The following SMIM35 variants were observed in gnomAD, a reference collection of about 807,000 sequenced individuals.
SMIM35 encodes TMPRSS4 antisense RNA 1 (non-protein coding).
chr11:118,062,002 C>T lies in SMIM35; in HGVS notation c.7+24749G>A, dbSNP rs576126402. Among the ~76,000 whole-genome samples, 578 of 152,298 alleles carry T rather than the reference C, an allele frequency of 3.8e-3. 2 individuals carry two copies. The highest frequency in any genetic ancestry group is 0.012 in the African/African-American group (501 of 41,562). Reference sequence around the variant, plus strand: ...CTTGGAATTGGAAGGTCCTTGACCTCCCACCAACTAAGCTTCCAATTTTGT... The same window carrying T: ...CTTGGAATTGGAAGGTCCTTGACCTTCCACCAACTAAGCTTCCAATTTTGT... On this transcript the variant is annotated intron_variant, in intron 1 of 4. Transcript: ENST00000689828.
intron 1 of SMIM35, among the ~76,000 whole-genome samples, chr11:118,048,966 C>CAAAAAAAAAAAAA: frequency 1.6e-5 from 1 of 61,380 alleles, no homozygotes; most frequent in Admixed American, 1.5e-4. Flanking sequence ...AAAAAAAAAG[C>CAAAAAAAAAAAAA]AAGTGAAAAC....
intron 3 of SMIM35, 36 bp downstream of exon 3, chr11:118,014,672 C>G: frequency 2.5e-6 from 1 of 398,896 alleles, no homozygotes; most frequent in African/African-American, 2.1e-5. Flanking sequence ...TACCCCCAAC[C>G]CCCACCTCAC....
At chr11:118,014,165 T>C (rs2058164812) in intron 3 of SMIM35, among the ~76,000 whole-genome samples, 1 of 152,192 alleles carries the variant, frequency 6.6e-6, no homozygotes, top group Admixed American at 6.5e-5. Context: ...GATTACATTA[T>C]TTGTAATCAG....
intron 1 of SMIM35, among the ~76,000 whole-genome samples, chr11:118,033,412 G>A (rs606683): frequency 6.6e-6 from 1 of 152,080 alleles, no homozygotes; most frequent in African/African-American, 2.4e-5. Flanking sequence ...AGACTTAGAG[G>A]CTTTCAACAC....
intron 1 of SMIM35, among the ~76,000 whole-genome samples, chr11:118,084,048 C>G (rs117457866): frequency 0.018 from 2,725 of 152,130 alleles, 124 homozygotes; most frequent in East Asian, 0.14. Flanking sequence ...AAAAACAAAA[C>G]AAAAAAACAA....
intron 1 of SMIM35, chr11:118,067,176 C>G (rs1425261296): frequency 6.6e-6 from 1 of 152,110 alleles, no homozygotes; most frequent in African/African-American, 2.4e-5. Flanking sequence ...ACATGTGGGC[C>G]ATTGACACAG....
chr11:118,010,124 G>C (rs1473722175), intron 4 of SMIM35, among the ~76,000 whole-genome samples: 1 of 152,232 alleles, frequency 6.6e-6, no homozygotes, highest in African/African-American at 2.4e-5. Flanking sequence ...GCAAGAAAAG[G>C]CTTTGTGTTC....
chr11:118,065,932 C>T (rs1591308080), intron 1 of SMIM35, among the ~76,000 whole-genome samples: 1 of 152,170 alleles, frequency 6.6e-6, no homozygotes, highest in East Asian at 1.9e-4. Context: ...CACCCAGTGA[C>T]CAGGCTAGAA....
At chr11:118,011,260 C>T (rs1000549528) in intron 4 of SMIM35, among the ~76,000 whole-genome samples, 3 of 152,244 alleles carry the variant, frequency 2.0e-5, no homozygotes, top group African/African-American at 7.2e-5. Flanking sequence ...GGGCCAGGGC[C>T]ACCTGGGTCC....
At chr11:118,018,928 A>T (rs1181921170) in intron 1 of SMIM35, among the ~76,000 whole-genome samples, 1 of 151,968 alleles carries the variant, frequency 6.6e-6, no homozygotes, top group Non-Finnish European at 1.5e-5. Context: ...CATGAAGAAC[A>T]GCCATGTGCC....
At chr11:118,042,068 A>AAGACAG (rs1555073519) in intron 1 of SMIM35, among the ~76,000 whole-genome samples, 1 of 117,860 alleles carries the variant, frequency 8.5e-6, no homozygotes, top group African/African-American at 3.3e-5. Context: ...AAAAAAAAAA[A>AAGACAG]AGAGAGAGAG....
At chr11:118,078,450 T>C (rs1944865835) in intron 1 of SMIM35, among the ~76,000 whole-genome samples, 1 of 152,198 alleles carries the variant, frequency 6.6e-6, no homozygotes, top group African/African-American at 2.4e-5. Flanking sequence ...GACACTCTTC[T>C]GAAAATTCTG....
chr11:118,061,638 C>T (rs1944397261), intron 1 of SMIM35, among the ~76,000 whole-genome samples: 2 of 152,170 alleles, frequency 1.3e-5, no homozygotes, highest in Admixed American at 1.3e-4. Context: ...TCCACAGAGG[C>T]AACCTCTGTT....
At chr11:118,037,503 G>A (rs1358434095) in intron 1 of SMIM35, among the ~76,000 whole-genome samples, 3 of 152,160 alleles carry the variant, frequency 2.0e-5, no homozygotes, top group African/African-American at 7.2e-5. Context: ...CGTTGTATGC[G>A]ATCTCGAATT....
chr11:118,065,411 G>A (rs1443298417), intron 1 of SMIM35, among the ~76,000 whole-genome samples: 1 of 152,166 alleles, frequency 6.6e-6, no homozygotes, highest in Non-Finnish European at 1.5e-5. Flanking sequence ...CTGGAGGCAG[G>A]GAACCTAAGG....
intron 1 of SMIM35, among the ~76,000 whole-genome samples, chr11:118,081,400 C>T (rs138842509): frequency 2.1e-3 from 319 of 152,342 alleles, no homozygotes; most frequent in Middle Eastern, 6.8e-3. Flanking sequence ...CCCAGCCTGC[C>T]ACTCTGACTA....
chr11:118,032,622 A>T (rs549477262), intron 1 of SMIM35, among the ~76,000 whole-genome samples: 1 of 152,202 alleles, frequency 6.6e-6, no homozygotes, highest in South Asian at 2.1e-4. Context: ...AAACAAATAC[A>T]GGAGGCTGGG....
chr11:118,075,328 G>T (rs1944648040), intron 1 of SMIM35, among the ~76,000 whole-genome samples: 2 of 152,246 alleles, frequency 1.3e-5, no homozygotes, highest in African/African-American at 2.4e-5. Flanking sequence ...GCCAGCTTCA[G>T]ATCTCTGCTG....
At position 118,073,021 on chromosome 11, in the gene SMIM35, G is replaced by A. The variant is rs891881533; in HGVS notation, c.7+13730C>T. On this transcript the variant is annotated intron_variant, in intron 1 of 4. Transcript: ENST00000689828. ...CTGCAACCTCCACCTGGGTTCAAGCGATTCTCCTGCCTCAACCTCCTGAGT... is the reference window on the plus strand; with the variant it reads ...CTGCAACCTCCACCTGGGTTCAAGCAATTCTCCTGCCTCAACCTCCTGAGT... Among the ~76,000 whole-genome samples, 9 of 152,200 alleles carry A rather than the reference G, an allele frequency of 5.9e-5. 1 individual carries two copies. Among genetic ancestry groups the A allele is most frequent in the South Asian group, 4.1e-4 (2 of 4,832 alleles).
Sources: allele counts gnomAD v4.1 joint callset (sites outside exome capture counted in the v4.1 genomes callset), GRCh38; gene constraint gnomAD v4.1.1; transcripts MANE v1.5; gene names NCBI Gene and HGNC (gene_info 2026-07-23, HGNC 2026-07-21).